KCNG1: variants seen among roughly 807,000 people sequenced by gnomAD.
The protein encoded by KCNG1 is potassium voltage-gated channel modifier subfamily G member 1, also known as voltage-gated potassium channel regulatory subunit KCNG1.
In KCNG1, 17 loss-of-function variants were observed where a neutral mutation model predicts 32.4. That is an observed-to-expected ratio of 0.52 (90% CI 0.36 to 0.79). The LOEUF (loss-of-function observed/expected upper bound fraction) is 0.79. Ranked by LOEUF, KCNG1 falls within the 30% of genes least tolerant of loss-of-function variation. The pLI is 0.00. For missense variants in KCNG1, 441 were observed against 735.2 expected, an observed-to-expected ratio of 0.60 and a Z score of 4.63; for synonymous variants, 358 against 339.9, an observed-to-expected ratio of 1.05 and a Z score of -0.59.
In KCNG1 at chr20:51,009,786, C is replaced by T. The variant is rs775025552; in HGVS notation, c.553G>A (p.Glu185Lys). 5 of 1,611,960 alleles carry T rather than the reference C, an allele frequency of 3.1e-6. No individual in the cohort carries two copies. In the African/African-American group the frequency reaches 6.7e-5, roughly 22 times the overall value. The change falls in exon 2 of 3, where the codon GAG becomes AAG. Residue 185 changes from glutamate to lysine, a missense_variant. By Grantham distance (56) the Glu-to-Lys change is moderately conservative. Coordinates refer to ENST00000371571, the MANE Select transcript of KCNG1 (RefSeq NM_002237.4). ...EFAEMVEREE[E>K]DDALDSEGRD... Reference sequence around the variant, plus strand: ...CCCTCGCTGTCCAGCGCGTCGTCCTCTTCCTCCCGCTCCACCATCTCCGCG... The same window carrying T: ...CCCTCGCTGTCCAGCGCGTCGTCCTTTTCCTCCCGCTCCACCATCTCCGCG...
rs1474080513 is a variant in KCNG1, at chr20:51,003,835, C to T, written c.*204G>A. On this transcript the variant is annotated 3_prime_UTR_variant, in exon 3 of 3. Coordinates refer to ENST00000371571, the MANE Select transcript of KCNG1 (RefSeq NM_002237.4). Reference sequence around the variant, plus strand: ...ATGACCCAGCTTCCTTTCACGGCTGCAGGCGGAGGGGCAGGGCCCCTCTGC... The same window carrying T: ...ATGACCCAGCTTCCTTTCACGGCTGTAGGCGGAGGGGCAGGGCCCCTCTGC... 1.7e-5 allele frequency: 10 copies of T among 582,964 alleles called. No homozygotes were observed. Among genetic ancestry groups the T allele is most frequent in the Non-Finnish European group, 6.0e-6 (2 of 335,780 alleles). The allele number at this position is 582,964 out of a possible 1,614,324, so 36.1% of individuals were successfully genotyped here. A position where few individuals can be genotyped will look rare whatever the true frequency, so the allele number is the denominator to read the frequency against.
Position 51,022,930 on chromosome 20 carries a change from C to T in KCNG1, c.-87G>A, listed in dbSNP as rs1315177388. 6.6e-6 allele frequency: 1 copy of T among 152,246 alleles called. No individual in the cohort carries two copies. The highest frequency in any genetic ancestry group is 2.4e-5 in the African/African-American group (1 of 41,474). The allele number at this position is 152,246 out of a possible 1,614,324, so 9.4% of individuals were successfully genotyped here. ...TGGCCCGGCCGCGGCTTCCGTTCCC[C>T]CCGGCTGCCCACGGGTCCGGGGCGA... On this transcript the variant is annotated 5_prime_UTR_variant, in exon 1 of 3. Transcript: ENST00000371571.
chr20:51,021,966 T>C (rs1988499936), intron 1 of KCNG1, among the ~76,000 whole-genome samples: 3 of 152,122 alleles, frequency 2.0e-5, no homozygotes, highest in Admixed American at 6.5e-5. Flanking sequence ...ATGCATTAGA[T>C]GAACCAAGAC....
In KCNG1 at chr20:51,005,632, G is replaced by C. The variant is rs1169709474; in HGVS notation, c.775-826C>G. ...AGTCCTGGTGATAATTCAGTGCAAA[G>C]AAATACTCTATGGGCCACTAAAACA... On this transcript the variant is annotated intron_variant, in intron 2 of 2. Transcript: ENST00000371571. The surrounding 1 kb of genome is among the most constrained non-coding windows in gnomAD (Gnocchi z 4.0). The C allele has an allele frequency of 6.6e-6, 1 of 152,246 alleles. No individual in the cohort carries two copies. The highest frequency in any genetic ancestry group is 1.5e-5 in the Non-Finnish European group (1 of 68,050). 9.4% of individuals were successfully genotyped at this position (152,246 alleles called of 1,614,324 possible). A position where few individuals can be genotyped will look rare whatever the true frequency, so the allele number is the denominator to read the frequency against.
In KCNG1 at chr20:51,010,059, C is replaced by T. The variant is rs1393308724; in HGVS notation, c.280G>A (p.Ala94Thr). The T allele has an allele frequency of 6.2e-7, 1 of 1,614,088 alleles. No individual in the cohort carries two copies. The highest frequency in any genetic ancestry group is 8.5e-7 in the Non-Finnish European group (1 of 1,179,992). ...FPLTRLGQLKACTNFDDILNV... is the reference protein window; with the variant it reads ...FPLTRLGQLKTCTNFDDILNV... The stretch of plus-strand genomic sequence containing the variant: ...AGGATGTCGTCGAAGTTGGTGCAGG[C>T]CTTGAGCTGGCCCAGGCGCGTCAGC... The change falls in exon 2 of 3, where the codon GCC (alanine) becomes ACC (threonine). Residue 94 changes from alanine to threonine, a missense_variant. By Grantham distance (58) the Ala-to-Thr change is moderately conservative (BLOSUM62 0). Coordinates refer to ENST00000371571, the MANE Select transcript of KCNG1 (RefSeq NM_002237.4).
rs1044410528 is a variant in KCNG1, at chr20:51,004,074, C to T, written c.1507G>A (p.Gly503Arg). The T allele has an allele frequency of 5.6e-6, 9 of 1,614,040 alleles. No individual in the cohort carries two copies. Among genetic ancestry groups the T allele is most frequent in the Non-Finnish European group, 7.6e-6 (9 of 1,180,020 alleles). The change falls in exon 3 of 3, where the codon GGA becomes AGA. Residue 503 changes from glycine to arginine, a missense_variant. Gly to Arg is a moderately radical substitution (Grantham distance 125). This residue lies in a region of KCNG1 where 53 missense variants were observed against 79.1 expected (regional missense o/e 0.67). Transcript: ENST00000371571. This position sits in a 1 kb window ranked among gnomAD's most constrained non-coding sequence, Gnocchi z 4.3. ...TCTCTGGTGTCCGAGGAGGCACTTC[C>T]GAACAAGATGTCACTGTCCTGGGAC... is the stretch of plus-strand genomic sequence containing the variant. Reference protein sequence around the residue: ...SVSQDSDILFGSASSDTRDNN With the variant: ...SVSQDSDILFRSASSDTRDNN
chr20:51,022,128 T>A (rs1988506111), intron 1 of KCNG1, among the ~76,000 whole-genome samples: 1 of 152,194 alleles, frequency 6.6e-6, no homozygotes, highest in Non-Finnish European at 1.5e-5. Flanking sequence ...GCATAGCGCC[T>A]CCATAAATGT....
In KCNG1 at chr20:51,003,919, G is replaced by A; in HGVS notation, c.*120C>T. ...TGAGGGTGTCCTTCCCCGGGTGCGT[G>A]GGAGTCGGTGCTGCGCCAGGACTGC... On this transcript the variant is annotated 3_prime_UTR_variant, in exon 3 of 3. Coordinates refer to ENST00000371571, the MANE Select transcript of KCNG1 (RefSeq NM_002237.4). The A allele has an allele frequency of 9.0e-7, 1 of 1,110,842 alleles. No homozygotes were observed. The highest frequency in any genetic ancestry group is 1.3e-6 in the Non-Finnish European group (1 of 783,284). The allele number at this position is 1,110,842 out of a possible 1,614,324, so 68.8% of individuals were successfully genotyped here. A position where few individuals can be genotyped will look rare whatever the true frequency, so the allele number is the denominator to read the frequency against.
Position 51,004,220 on chromosome 20 carries a change from A to T in KCNG1, c.1361T>A (p.Phe454Tyr). The T allele has an allele frequency of 6.2e-7, 1 of 1,614,114 alleles. No homozygotes were observed. The highest frequency in any genetic ancestry group is 8.5e-7 in the Non-Finnish European group (1 of 1,179,998). ...GGTGTGGAAGATGGAGGTGACTGGG[A>T]AGGCCATGAGCAGGATGCCGCTCAG... ...SILSGILLMA[F>Y]PVTSIFHTFS... The change falls in exon 3 of 3, where the codon TTC (phenylalanine) becomes TAC (tyrosine). Residue 454 changes from phenylalanine (F) to tyrosine (Y), a missense_variant. Transcript: ENST00000371571. The surrounding 1 kb of genome is among the most constrained non-coding windows in gnomAD (Gnocchi z 4.3).
chr20:51,016,615 C>T (rs6096226), intron 1 of KCNG1, among the ~76,000 whole-genome samples: 73,037 of 151,942 alleles, frequency 0.48, 18,523 homozygotes, highest in African/African-American at 0.67. Flanking sequence ...GTGCCCTACC[C>T]CTGAGACTCA....
At chr20:51,008,837 G>C (rs573387912) in intron 2 of KCNG1, among the ~76,000 whole-genome samples, 120 of 152,256 alleles carry the variant, frequency 7.9e-4, no homozygotes, top group Non-Finnish European at 1.4e-3. Context: ...ACTTAGACCT[G>C]GGGTTGGGCA....
rs1988027478 is a variant in KCNG1, at chr20:51,010,279, C to T, written c.60G>A (p.Ser20=). ...GGAAGGCCGGGTGGAAGGAGGCGTC[C>T]GAGGTGCAGCTCAGCGCGCTGTAGT... ...DYDYSALSCT[S]DASFHPAFLP... is the part of the protein sequence containing the mutation. Residue 20 remains serine, a synonymous_variant, in exon 2 of 3, where the codon TCG becomes TCA. Transcript: ENST00000371571. 2 of 1,526,040 alleles carry T rather than the reference C, an allele frequency of 1.3e-6. No homozygotes were observed. The highest frequency in any genetic ancestry group is 2.6e-5 in the South Asian group (2 of 77,782). The allele number at this position is 1,526,040 out of a possible 1,614,324, so 94.5% of individuals were successfully genotyped here.
rs770638495 is a variant in KCNG1 at position 51,009,717 on chromosome 20, G to T, written c.622C>A (p.Arg208Ser). The part of the protein sequence containing the change: ...GPAEGEGRLG[R>S]CMRRLRDMVE... The stretch of plus-strand genomic sequence containing the variant: ...ATGTCGCGCAGTCGCCGCATGCAGC[G>T]CCCCAGGCGGCCCTCGCCCTCGGCC... Residue 208 changes from arginine to serine, a missense_variant, in exon 2 of 3, where the codon CGC (arginine) becomes AGC (serine). Physicochemically the swap from Arg to Ser is moderately radical, Grantham distance 110 (BLOSUM62 -1). Coordinates refer to ENST00000371571, the MANE Select transcript of KCNG1 (RefSeq NM_002237.4). 1.7e-5 allele frequency: 27 copies of T among 1,604,324 alleles called. No individual in the cohort carries two copies. The highest frequency in any genetic ancestry group is 2.1e-5 in the Non-Finnish European group (25 of 1,178,180).
Position 51,003,955 on chromosome 20 carries a change from G to A in KCNG1, c.*84C>T. 23 of 1,475,114 alleles carry A rather than the reference G, an allele frequency of 1.6e-5. No homozygotes were observed. The highest frequency in any genetic ancestry group is 2.0e-5 in the Non-Finnish European group (22 of 1,084,032). The allele number at this position is 1,475,114 out of a possible 1,614,324, so 91.4% of individuals were successfully genotyped here. ...CTGCGCCAGGACTGCACTCGGAAGC[G>A]GCCTGTCCCTCTCCAGGCGTCTGCA... On this transcript the variant is annotated 3_prime_UTR_variant, in exon 3 of 3. Coordinates refer to ENST00000371571, the MANE Select transcript of KCNG1 (RefSeq NM_002237.4).
chr20:51,011,267 A>G (rs539495266), intron 1 of KCNG1, among the ~76,000 whole-genome samples: 2 of 152,374 alleles, frequency 1.3e-5, no homozygotes, highest in South Asian at 4.1e-4. Flanking sequence ...GATCCCAGGC[A>G]GCTGACATCC....
intron 2 of KCNG1, 32 bp downstream of exon 2, chr20:51,009,533 G>T (rs767589168): frequency 2.6e-6 from 4 of 1,544,418 alleles, no homozygotes; most frequent in Non-Finnish European, 2.6e-6. Flanking sequence ...CCCTCGTGGT[G>T]GCGCGTTTCC....
At chr20:51,022,322 G>GT (rs1857943232) in intron 1 of KCNG1, among the ~76,000 whole-genome samples, 1 of 152,164 alleles carries the variant, frequency 6.6e-6, no homozygotes, top group South Asian at 2.1e-4. Flanking sequence ...CTTCCTACCA[G>GT]TTCCTGGGGG....
chr20:51,010,205 C>G lies in KCNG1; in HGVS notation c.134G>C (p.Arg45Pro). The change falls in exon 2 of 3, where the codon CGG becomes CCG. Residue 45 changes from arginine to proline, a missense_variant. By Grantham distance (103) the Arg-to-Pro change is moderately radical (BLOSUM62 -2). Transcript: ENST00000371571. ...IKGAFYRRAQ[R>P]LRPQDEPRQG... ...GCGGGGCTCATCCTGCGGCCGCAGC[C>G]GCTGCGCCCGGCGGTAGAACGCGCC... 1 of 1,588,078 alleles carries G rather than the reference C, an allele frequency of 6.3e-7. No homozygotes were observed. The highest frequency in any genetic ancestry group is 8.6e-7 in the Non-Finnish European group (1 of 1,169,222).
chr20:51,019,019 A>G (rs535692221), intron 1 of KCNG1, among the ~76,000 whole-genome samples: 38 of 152,202 alleles, frequency 2.5e-4, no homozygotes, highest in Non-Finnish European at 4.4e-4. Context: ...ATTTATCACT[A>G]TTTATATTTG....
Sources: gnomAD v4.1 joint callset for allele counts (sites outside exome capture counted in the v4.1 genomes callset) on GRCh38, gnomAD v4.1.1 for gene constraint, gnomAD v4.1.1 regional missense constraint, Gnocchi (gnomAD v3.1) non-coding constraint, MANE v1.5 for transcripts, NCBI Gene and HGNC (gene_info 2026-07-23, HGNC 2026-07-21) for gene names.